Variants in SGIP1 observed in about 807,000 individuals in gnomAD.
SGIP1 encodes SH3-containing GRB2-like protein 3-interacting protein 1.
A neutral mutation model predicts 107.5 loss-of-function variants in SGIP1; 38 were observed. The ratio of observed to expected loss-of-function variants is 0.35; its 90% confidence interval spans 0.27 to 0.46. SGIP1 has a LOEUF of 0.46. Ranked by LOEUF, SGIP1 falls within the 20% of genes least tolerant of loss-of-function variation. The pLI, the probability that SGIP1 is intolerant of heterozygous loss-of-function variation, is 1.00. For missense variants in SGIP1, 929 were observed against 1,019.5 expected, an observed-to-expected ratio of 0.91 and a Z score of 1.21; for synonymous variants, 365 against 366.1, an observed-to-expected ratio of 1.00 and a Z score of 0.03.
At chr1:66,547,902 A>T (rs1294859305) in intron 1 of SGIP1, among the ~76,000 whole-genome samples, 2 of 152,126 alleles carry the variant, frequency 1.3e-5, no homozygotes, top group Non-Finnish European at 2.9e-5. Context: ...ATACCTTGTG[A>T]CCCATGAAGC....
chr1:66,614,682 G>T (rs2068777119), intron 1 of SGIP1, among the ~76,000 whole-genome samples: 2 of 151,818 alleles, frequency 1.3e-5, no homozygotes, highest in African/African-American at 4.8e-5. Context: ...CAATAAAGTT[G>T]GCTAATAGCC....
At chr1:66,648,670 T>A (rs1188518218) in intron 7 of SGIP1, among the ~76,000 whole-genome samples, 1 of 152,194 alleles carries the variant, frequency 6.6e-6, no homozygotes, top group African/African-American at 2.4e-5. Flanking sequence ...TAGGTTCAGT[T>A]TGCCCTGTTT....
chr1:66,679,204 T>C (rs1029834232), intron 13 of SGIP1, among the ~76,000 whole-genome samples: 8 of 152,210 alleles, frequency 5.3e-5, no homozygotes, highest in Non-Finnish European at 7.4e-5. Flanking sequence ...GACACTAAGA[T>C]CCTGACTGGA....
At chr1:66,653,132 C>T (rs543131288) in intron 7 of SGIP1, among the ~76,000 whole-genome samples, 2 of 152,294 alleles carry the variant, frequency 1.3e-5, no homozygotes, top group African/African-American at 4.8e-5. Context: ...AGAGTTAACA[C>T]ATGAGACGCA....
intron 7 of SGIP1, among the ~76,000 whole-genome samples, chr1:66,650,995 CAAGGCTTAATCGAGTGTAAAAT>C (rs1435701449): frequency 6.6e-6 from 1 of 152,256 alleles, no homozygotes; most frequent in Non-Finnish European, 1.5e-5. Context: ...AAGCCTCAGT[CAAGGCTTAATCGAGTGTAAAAT>C]AAGGTTAATA....
intron 19 of SGIP1, among the ~76,000 whole-genome samples, chr1:66,720,495 A>G (rs2093475103): frequency 6.6e-6 from 1 of 152,184 alleles, no homozygotes; most frequent in Admixed American, 6.5e-5. Flanking sequence ...TGGGAGGCCA[A>G]GACAGGAGGA....
chr1:66,612,011 T>C (rs1396762974), intron 1 of SGIP1, among the ~76,000 whole-genome samples: 1 of 138,524 alleles, frequency 7.2e-6, no homozygotes, highest in Non-Finnish European at 1.6e-5. Context: ...TACCTGAGAC[T>C]GGGTAGTTTA....
chr1:66,620,641 A>G (rs576672345), intron 1 of SGIP1, among the ~76,000 whole-genome samples: 1 of 152,330 alleles, frequency 6.6e-6, no homozygotes, highest in Admixed American at 6.5e-5. Flanking sequence ...AATTGCTCCC[A>G]TGATCCAATC....
intron 7 of SGIP1, among the ~76,000 whole-genome samples, chr1:66,645,266 C>T (rs1029755655): frequency 2.6e-5 from 4 of 152,146 alleles, no homozygotes; most frequent in African/African-American, 9.7e-5. Context: ...GGATGTTTGC[C>T]GGAATGTAGC....
At chr1:66,641,345 G>C (rs2076759130) in intron 5 of SGIP1, among the ~76,000 whole-genome samples, 1 of 151,990 alleles carries the variant, frequency 6.6e-6, no homozygotes, top group African/African-American at 2.4e-5. Context: ...TTTAATGGGG[G>C]CTTTTTCCAT....
chr1:66,681,670 A>C (rs1305422891), intron 14 of SGIP1, among the ~76,000 whole-genome samples, 199 bp from the exon 15 acceptor site: 1 of 151,914 alleles, frequency 6.6e-6, no homozygotes, highest in Non-Finnish European at 1.5e-5. Flanking sequence ...TAGCATAAAA[A>C]TATGATGCTC....
chr1:66,640,898 A>T (rs1273465781), intron 5 of SGIP1, among the ~76,000 whole-genome samples: 1 of 152,122 alleles, frequency 6.6e-6, no homozygotes, highest in Non-Finnish European at 1.5e-5. Flanking sequence ...GATCTTGCTT[A>T]TACGCAGAAT....
At chr1:66,705,390 A>T (rs773148779) in intron 18 of SGIP1, among the ~76,000 whole-genome samples, 1 of 152,238 alleles carries the variant, frequency 6.6e-6, no homozygotes, top group East Asian at 1.9e-4. Context: ...CTGAGAAAAC[A>T]TAAGAGGTTT....
chr1:66,616,850 T>A (rs779803696), intron 1 of SGIP1, among the ~76,000 whole-genome samples: 1 of 152,186 alleles, frequency 6.6e-6, no homozygotes, highest in Non-Finnish European at 1.5e-5. Flanking sequence ...AGTTCATAAT[T>A]ACCCTCTAGA....
At chr1:66,684,617 T>G (rs571537176) in intron 15 of SGIP1, among the ~76,000 whole-genome samples, 1 of 152,314 alleles carries the variant, frequency 6.6e-6, no homozygotes, top group Admixed American at 6.5e-5. Context: ...CCTCCAAGGG[T>G]AGGCCACAAT....
chr1:66,550,679 A>G (rs1256729421), intron 1 of SGIP1, among the ~76,000 whole-genome samples: 1 of 152,192 alleles, frequency 6.6e-6, no homozygotes, highest in African/African-American at 2.4e-5. Flanking sequence ...TTGTTCCTAA[A>G]GTATCTATAA....
intron 7 of SGIP1, among the ~76,000 whole-genome samples, chr1:66,653,833 C>CATTTAGAA (rs1385484655): frequency 6.6e-6 from 1 of 152,148 alleles, no homozygotes; most frequent in Non-Finnish European, 1.5e-5. Context: ...ATGTTAGTAG[C>CATTTAGAA]ATTTAGAATT....
In SGIP1 at chr1:66,577,596, A is replaced by G. The variant is rs2061243523; in HGVS notation, c.10+43228A>G. On this transcript the variant is annotated intron_variant, in intron 1 of 24. Transcript: ENST00000371037. ...TGTTACCTTCATTTATTTGTATTATAGTGACAAGTGTATTTATCCTATTTC... is the reference window on the plus strand; with the variant it reads ...TGTTACCTTCATTTATTTGTATTATGGTGACAAGTGTATTTATCCTATTTC... Among the ~76,000 whole-genome samples, 3 of 152,142 alleles carry G rather than the reference A, an allele frequency of 2.0e-5. No homozygotes were observed. The South Asian group carries it at 6.2e-4, about 31-fold the overall frequency.
At chr1:66,567,489 C>A (rs1258503152) in intron 1 of SGIP1, among the ~76,000 whole-genome samples, 1 of 152,162 alleles carries the variant, frequency 6.6e-6, no homozygotes, top group Non-Finnish European at 1.5e-5. Context: ...TTTTGCTGTG[C>A]AGAAGATCTT....
Sources: allele counts gnomAD v4.1 joint callset (sites outside exome capture counted in the v4.1 genomes callset), GRCh38; gene constraint gnomAD v4.1.1; transcripts MANE v1.5; gene names NCBI Gene and HGNC (gene_info 2026-07-23, HGNC 2026-07-21).